The following PTPRM variants were observed in gnomAD, a reference collection of about 807,000 sequenced individuals.
PTPRM encodes protein tyrosine phosphatase receptor type M, also known as receptor-type tyrosine-protein phosphatase mu.
In PTPRM, 47 loss-of-function variants were observed where a neutral mutation model predicts 186.7. That is an observed-to-expected ratio of 0.25 (90% CI 0.20 to 0.32). The LOEUF (loss-of-function observed/expected upper bound fraction) is 0.32. PTPRM is among the 10% of genes least tolerant of loss of function. The pLI is 1.00. For synonymous variants in PTPRM, 668 were observed against 674.9 expected (o/e 0.99, Z 0.16); for missense variants, 1,494 against 1,865.0 (o/e 0.80, Z 3.66).
rs916394215 is a variant in PTPRM, at chr18:8,314,067, AT to A, written c.2843-706del. ...GATACATCAATAGTATTTGCAGATA[AT>A]TTTTTTTACCCTGGAAATACTTAAA... On this transcript the variant is annotated intron_variant, in intron 20 of 32. Coordinates refer to ENST00000580170, the MANE Select transcript of PTPRM (RefSeq NM_001105244.2). Among the ~76,000 whole-genome samples the A allele has an allele frequency of 5.9e-5, 9 of 152,150 alleles. No individual in the cohort carries two copies. The East Asian group carries it at 9.7e-4, about 16-fold the overall frequency.
At chr18:7,934,637 G>C (rs1475929398) in intron 5 of PTPRM, among the ~76,000 whole-genome samples, 1 of 152,170 alleles carries the variant, frequency 6.6e-6, no homozygotes, top group Non-Finnish European at 1.5e-5. Context: ...TACATTTACT[G>C]AACACTGCTA....
chr18:7,656,797 CT>C (rs908656409), intron 1 of PTPRM, among the ~76,000 whole-genome samples: 1 of 152,038 alleles, frequency 6.6e-6, no homozygotes, highest in African/African-American at 2.4e-5. Context: ...TTCATTTATG[CT>C]AATTGTTTTA....
At chr18:7,972,458 T>A (rs1216417150) in intron 7 of PTPRM, among the ~76,000 whole-genome samples, 8 of 960 alleles carry the variant, frequency 8.3e-3, no homozygotes, top group South Asian at 0.045. Flanking sequence ...ACTTAAAGTA[T>A]AATTAAAAAA....
At chr18:8,351,781 C>T (rs2095535525) in intron 23 of PTPRM, among the ~76,000 whole-genome samples, 1 of 152,190 alleles carries the variant, frequency 6.6e-6, no homozygotes, top group African/African-American at 2.4e-5. Context: ...CACTGCCAGG[C>T]TTCACGCCAC....
At chr18:8,086,745 A>G (rs1444296580) in intron 10 of PTPRM, among the ~76,000 whole-genome samples, 1 of 152,128 alleles carries the variant, frequency 6.6e-6, no homozygotes, top group East Asian at 1.9e-4. Context: ...GAGTTGAAGG[A>G]AAGGAATATT....
chr18:8,197,985 T>C (rs2093802800), intron 14 of PTPRM, among the ~76,000 whole-genome samples: 1 of 152,164 alleles, frequency 6.6e-6, no homozygotes, highest in African/African-American at 2.4e-5. Flanking sequence ...GACCTGAGTC[T>C]GATGGGTAGA....
intron 19 of PTPRM, among the ~76,000 whole-genome samples, chr18:8,272,668 A>G (rs2094787259): frequency 6.6e-6 from 1 of 152,186 alleles, no homozygotes; most frequent in Non-Finnish European, 1.5e-5. Flanking sequence ...ATATACAATC[A>G]GAACATTCAT....
chr18:8,345,783 C>T (rs913400205), intron 23 of PTPRM, among the ~76,000 whole-genome samples: 16 of 151,902 alleles, frequency 1.1e-4, no homozygotes, highest in Admixed American at 8.5e-4. Flanking sequence ...CAAAACCAGA[C>T]AAGACTACAG....
intron 2 of PTPRM, among the ~76,000 whole-genome samples, chr18:7,800,691 C>T (rs2043911853): frequency 6.6e-6 from 1 of 152,150 alleles, no homozygotes; most frequent in Non-Finnish European, 1.5e-5. Flanking sequence ...AGCAGGGATA[C>T]ATTCTGAGAA....
rs186539246 is a variant in PTPRM, at chr18:8,395,376, G to A, written c.4344+765G>A. On this transcript the variant is annotated intron_variant, in intron 32 of 32. Transcript: ENST00000580170. Reference sequence around the variant, plus strand: ...TCCACAGCATCACAACACTGGGGTTGATGTTAAAAATTAAAATAAAGGGAC... The same window carrying A: ...TCCACAGCATCACAACACTGGGGTTAATGTTAAAAATTAAAATAAAGGGAC... Among the ~76,000 whole-genome samples, 391 of 152,306 alleles carry A rather than the reference G, an allele frequency of 2.6e-3. 1 individual carries two copies. The highest frequency in any genetic ancestry group is 9.1e-3 in the African/African-American group (377 of 41,552).
At chr18:7,944,366 A>G (rs922132643) in intron 5 of PTPRM, among the ~76,000 whole-genome samples, 1 of 152,102 alleles carries the variant, frequency 6.6e-6, no homozygotes, top group Non-Finnish European at 1.5e-5. Context: ...ATTTGTTACT[A>G]TGATTTCTGA....
At chr18:8,366,276 A>G (rs1490936263) in intron 23 of PTPRM, among the ~76,000 whole-genome samples, 1 of 152,210 alleles carries the variant, frequency 6.6e-6, no homozygotes, top group Non-Finnish European at 1.5e-5. Flanking sequence ...GCCTGGCAAG[A>G]CTGCAGCTGT....
Position 7,568,719 on chromosome 18 carries a change from TGCGCGTGTGTGCCTGCACGC to T in PTPRM, c.73+834_73+853del, listed in dbSNP as rs1452804439. 2.0e-5 allele frequency among the ~76,000 whole-genome samples: 3 copies of T among 152,112 alleles called. No homozygotes were observed. The highest frequency in any genetic ancestry group is 4.8e-5 in the African/African-American group (2 of 41,440). On this transcript the variant is annotated intron_variant, in intron 1 of 32. Transcript: ENST00000580170. This position sits in a 1 kb window ranked among gnomAD's most constrained non-coding sequence, Gnocchi z 5.1. ...GTGTGCGAGCAAGCGTGTGAGTGTG[TGCGCGTGTGTGCCTGCACGC>T]GCGCGCGGGGGCGTTCTAAGCCCAG...
chr18:7,924,740 A>C (rs542500474), intron 4 of PTPRM, among the ~76,000 whole-genome samples: 1 of 152,316 alleles, frequency 6.6e-6, no homozygotes, highest in African/African-American at 2.4e-5. Flanking sequence ...AGAAGGCCTA[A>C]CCACAAGGTG....
intron 7 of PTPRM, among the ~76,000 whole-genome samples, chr18:8,029,124 A>G (rs1437541823): frequency 6.6e-6 from 1 of 152,082 alleles, no homozygotes; most frequent in Non-Finnish European, 1.5e-5. Context: ...TCACCTCAAG[A>G]TCAGTTTGAC....
intron 1 of PTPRM, among the ~76,000 whole-genome samples, chr18:7,714,071 C>G (rs1381303915): frequency 6.6e-6 from 1 of 152,172 alleles, no homozygotes; most frequent in Non-Finnish European, 1.5e-5. Context: ...AATACACATT[C>G]TTCTCAGCAC....
chr18:7,677,990 G>A (rs1471551268), intron 1 of PTPRM, among the ~76,000 whole-genome samples: 3 of 152,084 alleles, frequency 2.0e-5, no homozygotes, highest in African/African-American at 7.2e-5. Context: ...CGTACTCCGG[G>A]CACCTGAGTG....
intron 7 of PTPRM, among the ~76,000 whole-genome samples, chr18:8,017,448 T>C (rs1264249801): frequency 6.6e-6 from 1 of 151,850 alleles, no homozygotes; most frequent in Non-Finnish European, 1.5e-5. Flanking sequence ...TTGGGTGCGG[T>C]GACATGCACC....
chr18:8,236,663 T>C (rs2094349013), intron 14 of PTPRM, among the ~76,000 whole-genome samples: 1 of 152,140 alleles, frequency 6.6e-6, no homozygotes, highest in African/African-American at 2.4e-5. Flanking sequence ...CAGCTCAGCC[T>C]CCCGAGTATT....
Sources: allele counts gnomAD v4.1 joint callset (sites outside exome capture counted in the v4.1 genomes callset), GRCh38; gene constraint gnomAD v4.1.1; non-coding constraint Gnocchi (gnomAD v3.1); transcripts MANE v1.5; gene names NCBI Gene and HGNC (gene_info 2026-07-23, HGNC 2026-07-21).